Variants in AKNAD1 observed in about 807,000 individuals in gnomAD.
AKNAD1 encodes AKNA domain containing 1.
A neutral mutation model predicts 90.8 loss-of-function variants in AKNAD1; 67 were observed. That is an observed-to-expected ratio of 0.74 (90% CI 0.61 to 0.90). The LOEUF is 0.90. AKNAD1 is among the 40% of genes least tolerant of loss of function. The pLI, the probability that AKNAD1 is intolerant of heterozygous loss-of-function variation, is 0.00. For synonymous variants in AKNAD1, 327 were observed against 341.4 expected (o/e 0.96, Z 0.46); for missense variants, 957 against 975.4 (o/e 0.98, Z 0.25).
At chr1:108,849,670 G>A (rs555705262) in intron 2 of AKNAD1, 94 bp from the exon 3 acceptor site, 3 of 923,242 alleles carry the variant, frequency 3.2e-6, no homozygotes, top group East Asian at 5.0e-5. Flanking sequence ...ATCATAGAGG[G>A]AGCCCAGGTT....
At chr1:108,848,261 T>C (rs974362352) in intron 5 of AKNAD1, among the ~76,000 whole-genome samples, 5 of 152,188 alleles carry the variant, frequency 3.3e-5, no homozygotes, top group African/African-American at 9.7e-5. Flanking sequence ...ATGACTGCTG[T>C]GGTGATGACA....
At chr1:108,824,656 C>T (rs1050904975) in intron 11 of AKNAD1, among the ~76,000 whole-genome samples, 7 of 151,422 alleles carry the variant, frequency 4.6e-5, no homozygotes, top group African/African-American at 1.7e-4. Flanking sequence ...TCTGTTGCTC[C>T]CAGGCTGAAA....
chr1:108,849,085 G>A (rs767148328), intron 3 of AKNAD1, 25 bp from the exon 4 acceptor site: 26 of 1,546,654 alleles, frequency 1.7e-5, no homozygotes, highest in Non-Finnish European at 2.3e-5. Context: ...ACACATTTGG[G>A]CTACCATTCA....
intron 5 of AKNAD1, among the ~76,000 whole-genome samples, chr1:108,843,756 TG>T (rs1220254113): frequency 2.6e-5 from 4 of 152,194 alleles, no homozygotes; most frequent in Non-Finnish European, 5.9e-5. Context: ...TTACATGGCC[TG>T]GGTTTCAGTC....
chr1:108,831,782 AC>A (rs1447929686), intron 9 of AKNAD1, among the ~76,000 whole-genome samples: 5 of 151,350 alleles, frequency 3.3e-5, no homozygotes, highest in Non-Finnish European at 7.4e-5. Flanking sequence ...GCCCACCACT[AC>A]CCCCAGCTAA....
intron 10 of AKNAD1, 149 bp from the exon 11 acceptor site, chr1:108,827,451 T>TCTGC: frequency 1.6e-6 from 1 of 613,016 alleles, no homozygotes; most frequent in Non-Finnish European, 2.9e-6. Context: ...AGAGCTCTCC[T>TCTGC]CTGCCTGCCT....
At chr1:108,842,101 C>T (rs974521454) in intron 6 of AKNAD1, among the ~76,000 whole-genome samples, 10 of 151,990 alleles carry the variant, frequency 6.6e-5, no homozygotes, top group Non-Finnish European at 1.5e-5. Flanking sequence ...TCCTCTCCCC[C>T]CAAAAAAAGC....
chr1:108,816,878 C>A (rs1663629372), intron 15 of AKNAD1, 170 bp downstream of exon 15: 2 of 687,988 alleles, frequency 2.9e-6, no homozygotes, highest in Non-Finnish European at 4.7e-6. Context: ...ACAAACCTTG[C>A]GACTGCTGAG....
intron 11 of AKNAD1, 80 bp downstream of exon 11, chr1:108,827,125 C>A: frequency 1.0e-6 from 1 of 986,650 alleles, no homozygotes; most frequent in Non-Finnish European, 1.6e-6. Flanking sequence ...TGGCAGATGG[C>A]AAGCTGGTGC....
chr1:108,852,671 G>A lies in AKNAD1; in HGVS notation c.-7C>T. On this transcript the variant is annotated 5_prime_UTR_variant, in exon 2 of 16. Transcript: ENST00000370001. ...AAAAATCAGCCTCATCCATGTGTGT[G>A]CAGCCCGATCGCTCTCGTCCTCTGC... is the stretch of plus-strand genomic sequence containing the variant. The A allele has an allele frequency of 6.4e-7, 1 of 1,556,318 alleles. No individual in the cohort carries two copies. The highest frequency in any genetic ancestry group is 8.7e-7 in the Non-Finnish European group (1 of 1,155,198).
At chr1:108,850,112 G>A (rs1388445670) in intron 2 of AKNAD1, among the ~76,000 whole-genome samples, 2 of 152,184 alleles carry the variant, frequency 1.3e-5, no homozygotes, top group Non-Finnish European at 2.9e-5. Flanking sequence ...TCAAGATAGT[G>A]ATGGTTTTCT....
At chr1:108,845,009 C>T (rs541615702) in intron 5 of AKNAD1, among the ~76,000 whole-genome samples, 9 of 151,908 alleles carry the variant, frequency 5.9e-5, no homozygotes, top group South Asian at 4.2e-4. Context: ...AGTAGAGATG[C>T]GGTTTCACCA....
upstream of AKNAD1, chr1:108,858,110 G>C (rs1411795267): frequency 6.6e-6 from 1 of 152,608 alleles, no homozygotes; most frequent in East Asian, 1.9e-4. Flanking sequence ...AGGGCCTTGC[G>C]ACACAGACAA....
chr1:108,821,882 C>T (rs1663824293), intron 13 of AKNAD1, among the ~76,000 whole-genome samples: 1 of 152,082 alleles, frequency 6.6e-6, no homozygotes, highest in Admixed American at 6.5e-5. Flanking sequence ...CCTCGTTCTC[C>T]CTCCAGGTCT....
In AKNAD1 at chr1:108,857,067, A is replaced by T. The variant is rs1665071666; in HGVS notation, c.-242T>A. 6.6e-6 allele frequency: 1 copy of T among 152,242 alleles called. No individual in the cohort carries two copies. Among genetic ancestry groups the T allele is most frequent in the South Asian group, 2.1e-4 (1 of 4,834 alleles). 9.4% of individuals were successfully genotyped at this position (152,242 alleles called of 1,614,324 possible). A position where few individuals can be genotyped will look rare whatever the true frequency, so the allele number is the denominator to read the frequency against. On this transcript the variant is annotated 5_prime_UTR_variant, in exon 1 of 16. Transcript: ENST00000370001. The stretch of plus-strand genomic sequence containing the variant: ...AGAATCCAACAGAACCTTTCTGTAG[A>T]ATCCAAATTGATTTTCTGAAGTCAG...
intron 1 of AKNAD1, among the ~76,000 whole-genome samples, 184 bp downstream of exon 1, chr1:108,856,745 A>ACACACACAC (rs1400694001): frequency 0.016 from 2,359 of 151,170 alleles, 76 homozygotes; most frequent in African/African-American, 0.053. Context: ...CACACACACA[A>ACACACACAC]ACACACACAC....
At chr1:108,842,337 A>T (rs1226253131) in intron 6 of AKNAD1, among the ~76,000 whole-genome samples, 2 of 152,202 alleles carry the variant, frequency 1.3e-5, no homozygotes, top group African/African-American at 4.8e-5. Flanking sequence ...CACAAATATT[A>T]AGCCTACTAA....
chr1:108,835,914 G>A (rs190289483), intron 7 of AKNAD1, among the ~76,000 whole-genome samples: 9 of 152,106 alleles, frequency 5.9e-5, no homozygotes, highest in African/African-American at 1.4e-4. Context: ...GTGAGCCACC[G>A]CACCTGGCTT....
chr1:108,849,591 G>A lies in AKNAD1; in HGVS notation c.994-15C>T. 1.3e-6 allele frequency: 2 copies of A among 1,581,254 alleles called. No individual in the cohort carries two copies. Among genetic ancestry groups the A allele is most frequent in the Non-Finnish European group, 1.7e-6 (2 of 1,150,572 alleles). The stretch of plus-strand genomic sequence containing the variant: ...ATGGGCTCCATCTGCACAATTAAAG[G>A]GTAAGAAAACGTTACTGTCGATATT... On this transcript the variant is annotated splice_polypyrimidine_tract_variant and intron_variant, in intron 2 of 15. Coordinates refer to ENST00000370001, the MANE Select transcript of AKNAD1 (RefSeq NM_152763.5).
Sources: gnomAD v4.1 joint callset for allele counts (sites outside exome capture counted in the v4.1 genomes callset) on GRCh38, gnomAD v4.1.1 for gene constraint, MANE v1.5 for transcripts, NCBI Gene and HGNC (gene_info 2026-07-23, HGNC 2026-07-21) for gene names.